Variants in SPIRE1 observed in about 807,000 individuals in gnomAD.
SPIRE1 encodes protein spire homolog 1.
SPIRE1 carries 40 observed loss-of-function variants against 94.1 expected under a neutral mutation model. The observed-to-expected ratio is 0.43, with a 90% confidence interval of 0.33 to 0.55. The LOEUF (loss-of-function observed/expected upper bound fraction) is 0.55, where lower values mean the gene tolerates loss of function less well. SPIRE1 is among the 20% of genes least tolerant of loss of function. SPIRE1 has a pLI of 0.06. For missense variants in SPIRE1, 838 were observed against 975.2 expected, an observed-to-expected ratio of 0.86 and a Z score of 1.87; for synonymous variants, 376 against 371.7, an observed-to-expected ratio of 1.01 and a Z score of -0.13.
At chr18:12,556,596 G>A (rs542118548) in intron 2 of SPIRE1, among the ~76,000 whole-genome samples, 1 of 152,288 alleles carries the variant, frequency 6.6e-6, no homozygotes, top group East Asian at 1.9e-4. Flanking sequence ...GGTCTTGCTG[G>A]CTTCAGGAGT....
chr18:12,542,598 A>G (rs1425226945), intron 3 of SPIRE1, among the ~76,000 whole-genome samples: 1 of 151,952 alleles, frequency 6.6e-6, no homozygotes, highest in Admixed American at 6.6e-5. Flanking sequence ...CCTGATATTT[A>G]CAAATTCTTT....
chr18:12,647,457 A>G (rs1391690871), intron 1 of SPIRE1, among the ~76,000 whole-genome samples: 2 of 152,180 alleles, frequency 1.3e-5, no homozygotes, highest in Non-Finnish European at 2.9e-5. Flanking sequence ...TTCTTCTTCT[A>G]TATTAAAAAC....
chr18:12,476,562 A>T lies in SPIRE1; in HGVS notation c.1404+3137T>A, dbSNP rs866236122. On this transcript the variant is annotated intron_variant, in intron 10 of 16. Coordinates refer to ENST00000409402, the MANE Select transcript of SPIRE1 (RefSeq NM_001128626.2). ...TCTCCAAAAAAAAAAAAAAAAAAAAAAAATATATATATATATATATATATA... is the reference window on the plus strand; with the variant it reads ...TCTCCAAAAAAAAAAAAAAAAAAAATAAATATATATATATATATATATATA... Among the ~76,000 whole-genome samples the T allele has an allele frequency of 8.8e-3, 638 of 72,902 alleles. 4 individuals are homozygous for T. The highest frequency in any genetic ancestry group is 0.057 in the African/African-American group (600 of 10,510). 47.8% of individuals were successfully genotyped at this position (72,902 alleles called of 152,430 possible).
chr18:12,508,925 T>C (rs561516922), intron 5 of SPIRE1, among the ~76,000 whole-genome samples: 3 of 152,334 alleles, frequency 2.0e-5, no homozygotes, highest in East Asian at 1.9e-4. Context: ...TTCAGCCGCC[T>C]TGGCCTCCCA....
chr18:12,530,624 C>A (rs2034654618), intron 4 of SPIRE1, among the ~76,000 whole-genome samples: 1 of 152,098 alleles, frequency 6.6e-6, no homozygotes, highest in Non-Finnish European at 1.5e-5. Flanking sequence ...CCTTCCTCCC[C>A]ATTTTTAAAG....
At chr18:12,461,562 T>TACGTACATAC (rs2031850548) in intron 12 of SPIRE1, among the ~76,000 whole-genome samples, 4 of 136,816 alleles carry the variant, frequency 2.9e-5, no homozygotes, top group African/African-American at 1.2e-4. Flanking sequence ...TACATGCGTG[T>TACGTACATAC]ATATGTATGT....
intron 3 of SPIRE1, among the ~76,000 whole-genome samples, chr18:12,543,110 G>A (rs1055903401): frequency 2.6e-5 from 4 of 152,178 alleles, no homozygotes; most frequent in African/African-American, 9.7e-5. Context: ...TTACAGGCGT[G>A]AGCCACCATG....
chr18:12,487,794 T>C (rs2033093116), intron 8 of SPIRE1, among the ~76,000 whole-genome samples: 1 of 152,164 alleles, frequency 6.6e-6, no homozygotes, highest in South Asian at 2.1e-4. Flanking sequence ...TTTAAATGAG[T>C]GAATTTTATG....
intron 9 of SPIRE1, among the ~76,000 whole-genome samples, chr18:12,483,633 A>G (rs2032925344): frequency 6.6e-6 from 1 of 152,218 alleles, no homozygotes; most frequent in Non-Finnish European, 1.5e-5. Context: ...GATGTTGAAT[A>G]GGTTAAGATT....
chr18:12,508,207 A>G, intron 5 of SPIRE1, among the ~76,000 whole-genome samples: 1 of 152,322 alleles, frequency 6.6e-6, no homozygotes, highest in East Asian at 1.9e-4. Flanking sequence ...TATTTGCTGT[A>G]AAATCAAGTG....
chr18:12,502,273 AAAAAC>A (rs2033690207), intron 6 of SPIRE1, among the ~76,000 whole-genome samples: 1 of 152,232 alleles, frequency 6.6e-6, no homozygotes, highest in Admixed American at 6.5e-5. Flanking sequence ...AAGAAAAACA[AAAAAC>A]AAAAAAGATT....
intron 4 of SPIRE1, among the ~76,000 whole-genome samples, chr18:12,518,499 C>A (rs77062603): frequency 0.12 from 16,410 of 134,848 alleles, 1,243 homozygotes; most frequent in Middle Eastern, 0.24. Context: ...CTCACACACA[C>A]AAAAAAAAAA....
chr18:12,641,132 A>C (rs2038071754), intron 1 of SPIRE1, among the ~76,000 whole-genome samples: 1 of 152,204 alleles, frequency 6.6e-6, no homozygotes, highest in Non-Finnish European at 1.5e-5. Context: ...GACAAACAAC[A>C]TCCTGAACAT....
At chr18:12,453,241 C>G (rs1470015707) in intron 13 of SPIRE1, 103 bp from the exon 14 acceptor site, 1 of 697,254 alleles carries the variant, frequency 1.4e-6, no homozygotes, top group Non-Finnish European at 2.4e-6. Context: ...GGAAGCTGAA[C>G]AGACAAGAGG....
At chr18:12,623,187 T>C (rs1419280544) in intron 2 of SPIRE1, among the ~76,000 whole-genome samples, 1 of 152,018 alleles carries the variant, frequency 6.6e-6, no homozygotes, top group Non-Finnish European at 1.5e-5. Context: ...AGAGTCTCGC[T>C]CTGTTGCCCA....
rs143413496 is a variant in SPIRE1 at position 12,621,280 on chromosome 18, A to G, written c.372+13782T>C. ...CAGAACCCTTATACACTGAGATGTC[A>G]AAAGATAGAGTTACTTTGAGAAACA... On this transcript the variant is annotated intron_variant, in intron 2 of 16. Transcript: ENST00000409402. Among the ~76,000 whole-genome samples the G allele has an allele frequency of 1.2e-3, 190 of 152,354 alleles. 2 individuals carry two copies. The highest frequency in any genetic ancestry group is 4.3e-3 in the African/African-American group (178 of 41,588).
chr18:12,597,862 G>T (rs78849053), intron 2 of SPIRE1, among the ~76,000 whole-genome samples: 21,012 of 152,112 alleles, frequency 0.14, 1,689 homozygotes, highest in African/African-American at 0.2. Context: ...TGCATAGCTG[G>T]GTGTGTAGGC....
intron 3 of SPIRE1, among the ~76,000 whole-genome samples, chr18:12,546,436 C>T (rs1436711262): frequency 2.0e-5 from 3 of 152,062 alleles, no homozygotes; most frequent in African/African-American, 7.2e-5. Flanking sequence ...GGTTCAAAAC[C>T]AGCCTGAGCA....
chr18:12,553,186 G>A (rs560368745), intron 2 of SPIRE1, among the ~76,000 whole-genome samples: 1 of 152,314 alleles, frequency 6.6e-6, no homozygotes, highest in East Asian at 1.9e-4. Flanking sequence ...TCGTGCTTGA[G>A]TAAAGCAGAG....
Sources: gnomAD v4.1 joint callset for allele counts (sites outside exome capture counted in the v4.1 genomes callset) on GRCh38, gnomAD v4.1.1 for gene constraint, MANE v1.5 for transcripts, NCBI Gene and HGNC (gene_info 2026-07-23, HGNC 2026-07-21) for gene names.